The following FAM3D variants were observed in gnomAD, a reference collection of about 807,000 sequenced individuals.
FAM3D encodes the protein protein FAM3D.
A neutral mutation model predicts 29.8 loss-of-function variants in FAM3D; 26 were observed. The observed-to-expected ratio is 0.87, with a 90% confidence interval of 0.64 to 1.21. FAM3D has a LOEUF of 1.21. Ranked by LOEUF, FAM3D falls within the 50% of genes most tolerant of loss-of-function variation. The pLI, the probability that FAM3D is intolerant of heterozygous loss-of-function variation, is 0.00. For missense variants in FAM3D, 253 were observed against 290.9 expected (o/e 0.87, Z 0.95); for synonymous variants, 115 against 102.3 (o/e 1.12, Z -0.75).
Position 58,643,729 on chromosome 3 carries a change from A to G in FAM3D, c.264-9T>C. 3.7e-6 allele frequency: 6 copies of G among 1,613,874 alleles called. No homozygotes were observed. Among genetic ancestry groups the G allele is most frequent in the Non-Finnish European group, 5.1e-6 (6 of 1,179,890 alleles). On this transcript the variant is annotated splice_polypyrimidine_tract_variant and intron_variant, in intron 5 of 9. Transcript: ENST00000358781. The stretch of plus-strand genomic sequence containing the variant: ...TCACAGGACTCATGATCCTGAAGAC[A>G]ATGAAGAAGAAATATGACAGTCGGT...
intron 2 of FAM3D, 111 bp downstream of exon 2, chr3:58,655,440 T>C: frequency 1.4e-6 from 2 of 1,422,434 alleles, no homozygotes; most frequent in Non-Finnish European, 1.9e-6. Flanking sequence ...GCTTTCCTCC[T>C]GGAATTCGGG....
At position 58,634,475 on chromosome 3, in the gene FAM3D, T is replaced by C. The variant is rs1403460838; in HGVS notation, c.586-107A>G. 7 of 924,044 alleles carry C rather than the reference T, an allele frequency of 7.6e-6. 1 individual carries two copies. The highest frequency in any genetic ancestry group is 1.1e-5 in the Non-Finnish European group (7 of 609,062). 57.2% of individuals were successfully genotyped at this position (924,044 alleles called of 1,614,324 possible). A position where few individuals can be genotyped will look rare whatever the true frequency, so the allele number is the denominator to read the frequency against. The stretch of plus-strand genomic sequence containing the variant: ...ACCTAAATGGGGGTGTGGGATGTTA[T>C]TAACCCACTTCACAGATGGGGAAAC... On this transcript the variant is annotated intron_variant, in intron 9 of 9. Coordinates refer to ENST00000358781, the MANE Select transcript of FAM3D (RefSeq NM_138805.3). This position sits in a 1 kb window ranked among gnomAD's most constrained non-coding sequence, Gnocchi z 4.6.
chr3:58,655,854 G>A (rs1156612997), intron 1 of FAM3D, among the ~76,000 whole-genome samples: 1 of 152,118 alleles, frequency 6.6e-6, no homozygotes, highest in Non-Finnish European at 1.5e-5. Flanking sequence ...GAAAGTAGAG[G>A]AAGGTGTAGT....
At chr3:58,637,955 G>T (rs528158107) in intron 7 of FAM3D, among the ~76,000 whole-genome samples, 6 of 152,084 alleles carry the variant, frequency 3.9e-5, no homozygotes, top group Admixed American at 3.9e-4. Context: ...CGCGATCTGC[G>T]CTCATTGCAA....
chr3:58,657,849 CAA>C (rs2066854080), intron 1 of FAM3D: 1 of 152,262 alleles, frequency 6.6e-6, no homozygotes, highest in Non-Finnish European at 1.5e-5. Flanking sequence ...CACCCAAACC[CAA>C]AAGAGTGTGT....
intron 6 of FAM3D, 98 bp from the exon 7 acceptor site, chr3:58,640,275 C>A (rs2066291257): frequency 1.5e-6 from 2 of 1,356,048 alleles, no homozygotes; most frequent in East Asian, 2.3e-5. Flanking sequence ...GATCTAAAAA[C>A]AGAATAAGAA....
At chr3:58,644,188 C>A (rs1266334770) in intron 5 of FAM3D, among the ~76,000 whole-genome samples, 1 of 152,132 alleles carries the variant, frequency 6.6e-6, no homozygotes, top group African/African-American at 2.4e-5. Flanking sequence ...TGGGATTGAC[C>A]TCTCTCTCCC....
chr3:58,650,591 G>A (rs995206940), intron 3 of FAM3D, among the ~76,000 whole-genome samples: 8 of 152,128 alleles, frequency 5.3e-5, no homozygotes, highest in Non-Finnish European at 1.0e-4. Flanking sequence ...ACCAGCTCTG[G>A]GGACTTCATG....
chr3:58,656,216 AG>A (rs995445252), intron 1 of FAM3D, among the ~76,000 whole-genome samples: 4 of 152,212 alleles, frequency 2.6e-5, no homozygotes, highest in Non-Finnish European at 5.9e-5. Flanking sequence ...CACGTATTGC[AG>A]GTGACTTTGT....
At chr3:58,651,963 G>C (rs956491531) in intron 3 of FAM3D, among the ~76,000 whole-genome samples, 8 of 152,204 alleles carry the variant, frequency 5.3e-5, no homozygotes, top group African/African-American at 1.9e-4. Flanking sequence ...CTCCACTGTG[G>C]GGTCATGTTC....
At chr3:58,657,032 C>G (rs1213798991) in intron 1 of FAM3D, among the ~76,000 whole-genome samples, 1 of 152,220 alleles carries the variant, frequency 6.6e-6, no homozygotes, top group Non-Finnish European at 1.5e-5. Context: ...CAAGCTGTCA[C>G]CTGGCTCTAC....
intron 6 of FAM3D, among the ~76,000 whole-genome samples, chr3:58,641,758 A>G (rs766891573): frequency 2.0e-5 from 3 of 152,232 alleles, no homozygotes; most frequent in Non-Finnish European, 4.4e-5. Context: ...GTTAAATGAA[A>G]AGGCACAGTA....
intron 1 of FAM3D, chr3:58,657,457 A>G (rs4681890): frequency 0.65 from 98,689 of 152,164 alleles, 34,011 homozygotes; most frequent in East Asian, 0.84. Flanking sequence ...ACACAGATTC[A>G]AAGAGAAACA....
rs144832488 is a variant in FAM3D at position 58,638,807 on chromosome 3, C to T, written c.373+1320G>A. Among the ~76,000 whole-genome samples, 636 of 152,304 alleles carry T rather than the reference C, an allele frequency of 4.2e-3. 7 individuals carry two copies. Among genetic ancestry groups the T allele is most frequent in the South Asian group, 0.04 (192 of 4,826 alleles). On this transcript the variant is annotated intron_variant, in intron 7 of 9. Coordinates refer to ENST00000358781, the MANE Select transcript of FAM3D (RefSeq NM_138805.3). ...CAGCCAGCTCAGTGACAGAGGTTTC[C>T]GGTCAACCACCACAGTCACTCTTCT...
At chr3:58,663,847 A>T (rs12637388) in intron 1 of FAM3D, among the ~76,000 whole-genome samples, 100,302 of 151,884 alleles carry the variant, frequency 0.66, 35,031 homozygotes, top group East Asian at 0.85. Context: ...GGTGACTCCC[A>T]GCTCCCAGCT....
At chr3:58,636,838 A>G (rs549875309) in intron 8 of FAM3D, among the ~76,000 whole-genome samples, 1 of 152,196 alleles carries the variant, frequency 6.6e-6, no homozygotes, top group African/African-American at 2.4e-5. Context: ...TTTCCGCACC[A>G]TCATTTTTGA....
chr3:58,655,462 G>T, intron 2 of FAM3D, 89 bp downstream of exon 2: 1 of 1,559,400 alleles, frequency 6.4e-7, no homozygotes, highest in South Asian at 1.2e-5. Context: ...CTGACCATTT[G>T]AGAACAGATA....
At chr3:58,638,004 C>G (rs914619787) in intron 7 of FAM3D, among the ~76,000 whole-genome samples, 2 of 152,324 alleles carry the variant, frequency 1.3e-5, no homozygotes, top group South Asian at 2.1e-4. Context: ...CCTGCCTCAG[C>G]CTTCCAAGTA....
chr3:58,637,154 C>G lies in FAM3D; in HGVS notation c.445G>C (p.Asp149His), dbSNP rs761002325. Residue 149 changes from aspartate to histidine, a missense_variant, in exon 8 of 10, where the codon GAT becomes CAT. Physicochemically the swap from Asp to His is moderately conservative, Grantham distance 81. Transcript: ENST00000358781. Reference sequence around the variant, plus strand: ...TTTTCTACTTACTTGGTCCCTGGATCGTCGTAGGAGGCCACCAGCACCAGT... The same window carrying G: ...TTTTCTACTTACTTGGTCCCTGGATGGTCGTAGGAGGCCACCAGCACCAGT... ...GALVLVASYD[D>H]PGTKMNDESR... 1.2e-6 allele frequency: 2 copies of G among 1,613,870 alleles called. No individual in the cohort carries two copies. Among genetic ancestry groups the G allele is most frequent in the South Asian group, 2.2e-5 (2 of 90,994 alleles).
Sources: allele counts gnomAD v4.1 joint callset (sites outside exome capture counted in the v4.1 genomes callset), GRCh38; gene constraint gnomAD v4.1.1; non-coding constraint Gnocchi (gnomAD v3.1); transcripts MANE v1.5; gene names NCBI Gene and HGNC (gene_info 2026-07-23, HGNC 2026-07-21).